Variants in AK7 observed in about 807,000 individuals in gnomAD.
AK7 encodes ATP-AMP transphosphorylase 7.
AK7 carries 78 observed loss-of-function variants against 96.6 expected under a neutral mutation model. The observed-to-expected ratio is 0.81, with a 90% confidence interval of 0.67 to 0.97. The LOEUF is 0.97. AK7 is among the 50% of genes least tolerant of loss of function. AK7 has a pLI of 0.00. For synonymous variants in AK7, 302 were observed against 317.2 expected (o/e 0.95, Z 0.51); for missense variants, 855 against 887.9 (o/e 0.96, Z 0.47).
Position 96,487,017 on chromosome 14 carries a change from A to C in AK7, c.2094A>C (p.Glu698Asp). ...VMPTLIQGLN[E>D]CCNVRPEDPV... is the part of the protein sequence containing the mutation. The stretch of plus-strand genomic sequence containing the variant: ...CAACTCTTATTCAGGGCCTGAATGA[A>C]TGTTGCAACGTCCGACCCGAAGACC... Residue 698 changes from glutamate to aspartate, a missense_variant, in exon 17 of 18, where the codon GAA (glutamate) becomes GAC (aspartate). Coordinates refer to ENST00000267584, the MANE Select transcript of AK7 (RefSeq NM_152327.5). 6.2e-7 allele frequency: 1 copy of C among 1,614,084 alleles called. No homozygotes were observed.
rs1272871625 is a variant in AK7, at chr14:96,408,842, C to T, written c.404-5C>T. 1.2e-6 allele frequency: 2 copies of T among 1,613,936 alleles called. No individual in the cohort carries two copies. Among genetic ancestry groups the T allele is most frequent in the Admixed American group, 1.7e-5 (1 of 59,944 alleles). On this transcript the variant is annotated splice_region_variant and splice_polypyrimidine_tract_variant and intron_variant, in intron 3 of 17. Coordinates refer to ENST00000267584, the MANE Select transcript of AK7 (RefSeq NM_152327.5). ...AAATAACCACTCTGCTTTTTGGCCC[C>T]ACAGCACTCAGTGAAGAAGTCAGCC...
intron 11 of AK7, among the ~76,000 whole-genome samples, 158 bp from the exon 12 acceptor site, chr14:96,457,924 TG>T (rs1241134228): frequency 4.6e-5 from 7 of 152,200 alleles, no homozygotes; most frequent in Non-Finnish European, 8.8e-5. Flanking sequence ...CATGTGTCTT[TG>T]TGGATATGTG....
intron 14 of AK7, among the ~76,000 whole-genome samples, chr14:96,475,221 G>A (rs1393855437): frequency 3.3e-5 from 5 of 152,198 alleles, no homozygotes; most frequent in South Asian, 2.1e-4. Flanking sequence ...AGAAAGTAGG[G>A]CATTGTTTCA....
At chr14:96,420,387 T>C (rs8018645) in intron 4 of AK7, among the ~76,000 whole-genome samples, 10,622 of 151,450 alleles carry the variant, frequency 0.07, 1,289 homozygotes, top group African/African-American at 0.24. Context: ...CTCAGCTACT[T>C]GGGAGGCTGA....
intron 12 of AK7, among the ~76,000 whole-genome samples, chr14:96,466,148 C>T (rs1391021959): frequency 6.6e-6 from 1 of 151,118 alleles, no homozygotes; most frequent in African/African-American, 2.4e-5. Context: ...TCACTGCAGC[C>T]CCTATCTCCT....
In AK7 at chr14:96,455,405, A is replaced by G. The variant is rs1401668941; in HGVS notation, c.1099-942A>G. Among the ~76,000 whole-genome samples the G allele has an allele frequency of 4.6e-5, 7 of 152,244 alleles. No individual in the cohort carries two copies. In the East Asian group the frequency reaches 1.4e-3, roughly 29 times the overall value. On this transcript the variant is annotated intron_variant, in intron 10 of 17. Transcript: ENST00000267584. ...GAGGCTGAGCTGGGAGGATGGTTTG[A>G]GCCCAGGAGTTCGAGGCTGCAGTGA...
chr14:96,404,961 A>G (rs1348171388), intron 3 of AK7, 96 bp downstream of exon 3: 10 of 747,214 alleles, frequency 1.3e-5, no homozygotes, highest in Non-Finnish European at 2.1e-5. Context: ...AAGTAGGGCT[A>G]TAGAAAAACT....
At chr14:96,465,879 A>C (rs1447075865) in intron 12 of AK7, among the ~76,000 whole-genome samples, 2 of 151,794 alleles carry the variant, frequency 1.3e-5, no homozygotes, top group African/African-American at 4.8e-5. Context: ...GTGCGGTGGC[A>C]GATGCCTGTA....
intron 15 of AK7, 51 bp downstream of exon 15, chr14:96,478,713 C>T: frequency 1.9e-6 from 3 of 1,575,544 alleles, no homozygotes; most frequent in Non-Finnish European, 2.6e-6. Context: ...CCCAGCAAAG[C>T]TTGGTGCAGG....
rs11449244 is a variant in AK7, at chr14:96,419,784, C to CTTTTTTTTTTTTTTTTTTT, written c.499-1034_499-1033insTTTTTTTTTTTTTTTTTTT. On this transcript the variant is annotated intron_variant, in intron 4 of 17. Coordinates refer to ENST00000267584, the MANE Select transcript of AK7 (RefSeq NM_152327.5). ...TCTCCTAAAGCATTTTTTTTTCTTT[C>CTTTTTTTTTTTTTTTTTTT]TTTTCTTTTTTTTTTTTTTTTGAGA... 2.0e-5 allele frequency among the ~76,000 whole-genome samples: 2 copies of CTTTTTTTTTTTTTTTTTTT among 101,714 alleles called. 1 individual carries two copies. 66.7% of individuals were successfully genotyped at this position (101,714 alleles called of 152,430 possible). A position where few individuals can be genotyped will look rare whatever the true frequency, so the allele number is the denominator to read the frequency against.
rs1458288883 is a variant in AK7, at chr14:96,394,928, A to G, written c.105+2669A>G. On this transcript the variant is annotated intron_variant, in intron 1 of 17. Transcript: ENST00000267584. ...GAGACAGAGTTTGCAGTGAGCCGAGATCACACCACTGCACTCCAGCCTGGG... is the reference window on the plus strand; with the variant it reads ...GAGACAGAGTTTGCAGTGAGCCGAGGTCACACCACTGCACTCCAGCCTGGG... Among the ~76,000 whole-genome samples the G allele has an allele frequency of 2.0e-5, 3 of 152,034 alleles. No individual in the cohort carries two copies. In the East Asian group the frequency reaches 5.8e-4, roughly 29 times the overall value.
At chr14:96,430,615 C>T (rs1471995401) in intron 5 of AK7, among the ~76,000 whole-genome samples, 2 of 152,180 alleles carry the variant, frequency 1.3e-5, no homozygotes, top group Admixed American at 1.3e-4. Context: ...AGCCTTGCAT[C>T]CCAGGGATGA....
At chr14:96,427,075 G>A (rs368000600) in intron 5 of AK7, among the ~76,000 whole-genome samples, 6 of 152,166 alleles carry the variant, frequency 3.9e-5, no homozygotes, top group South Asian at 2.1e-4. Context: ...GAGAAACCCC[G>A]TCTCTACTGA....
chr14:96,392,692 C>T (rs1484709858), intron 1 of AK7, among the ~76,000 whole-genome samples: 4 of 151,684 alleles, frequency 2.6e-5, no homozygotes, highest in Non-Finnish European at 5.9e-5. Context: ...GAGACGGAGC[C>T]TTGCTCTGTC....
chr14:96,481,771 C>G (rs1399491192), intron 15 of AK7, among the ~76,000 whole-genome samples: 1 of 147,380 alleles, frequency 6.8e-6, no homozygotes, highest in Admixed American at 6.9e-5. Flanking sequence ...GTAGCTCAAT[C>G]TCAACTCAAT....
chr14:96,418,048 C>CT (rs1225625869), intron 4 of AK7, among the ~76,000 whole-genome samples: 1 of 152,012 alleles, frequency 6.6e-6, no homozygotes, highest in Non-Finnish European at 1.5e-5. Context: ...CCCAACTGGG[C>CT]TTAGTAGCTC....
chr14:96,432,697 T>C (rs1566780917), intron 5 of AK7, among the ~76,000 whole-genome samples: 2 of 151,952 alleles, frequency 1.3e-5, no homozygotes, highest in Admixed American at 6.6e-5. Context: ...TCTTTAAGAA[T>C]GTTGAGGCCA....
intron 10 of AK7, 21 bp downstream of exon 10, chr14:96,451,591 C>A: frequency 7.0e-7 from 1 of 1,423,484 alleles, no homozygotes; most frequent in Non-Finnish European, 9.3e-7. Context: ...CTGTTTCCCA[C>A]TGAAACTTCT....
At position 96,399,714 on chromosome 14, in the gene AK7, C is replaced by A. The variant is rs1890294740; in HGVS notation, c.294+1451C>A. Reference sequence around the variant, plus strand: ...AGCCTGGCTTCCCGAGAGAAACTCGCCTTCCCTTCTTGTGCCTCGGCTCTG... The same window carrying A: ...AGCCTGGCTTCCCGAGAGAAACTCGACTTCCCTTCTTGTGCCTCGGCTCTG... On this transcript the variant is annotated intron_variant, in intron 2 of 17. Transcript: ENST00000267584. This position sits in a 1 kb window ranked among gnomAD's most constrained non-coding sequence, Gnocchi z 4.1. Among the ~76,000 whole-genome samples the A allele has an allele frequency of 6.6e-6, 1 of 152,174 alleles. No homozygotes were observed. The highest frequency in any genetic ancestry group is 2.4e-5 in the African/African-American group (1 of 41,442).
Sources: allele counts gnomAD v4.1 joint callset (sites outside exome capture counted in the v4.1 genomes callset), GRCh38; gene constraint gnomAD v4.1.1; non-coding constraint Gnocchi (gnomAD v3.1); transcripts MANE v1.5; gene names NCBI Gene and HGNC (gene_info 2026-07-23, HGNC 2026-07-21).